The following KANSL3 variants were observed in gnomAD, a reference collection of about 807,000 sequenced individuals.
KANSL3 encodes NSL complex protein NSL3.
Under a neutral mutation model 89.2 loss-of-function variants are expected in KANSL3, and 16 were observed. The observed-to-expected ratio is 0.18, with a 90% CI of 0.12 to 0.27. The LOEUF is 0.27. Ranked by LOEUF, KANSL3 falls within the 10% of genes least tolerant of loss-of-function variation. The pLI, the probability that KANSL3 is intolerant of heterozygous loss-of-function variation, is 1.00. For synonymous variants in KANSL3, 385 were observed against 419.7 expected (o/e 0.92, Z 1.01); for missense variants, 879 against 1,110.6 (o/e 0.79, Z 2.96).
intron 3 of KANSL3, among the ~76,000 whole-genome samples, chr2:96,622,296 C>T (rs1440806538): frequency 6.6e-6 from 1 of 151,752 alleles, no homozygotes; most frequent in Non-Finnish European, 1.5e-5. Flanking sequence ...GTGGCAGGTG[C>T]CCAAAGTTCC....
chr2:96,617,101 T>C (rs992036279), intron 5 of KANSL3, among the ~76,000 whole-genome samples: 1 of 152,190 alleles, frequency 6.6e-6, no homozygotes, highest in African/African-American at 2.4e-5. Context: ...CACCACTCTC[T>C]GTCTGCCAGG....
chr2:96,637,189 C>A lies in KANSL3; in HGVS notation c.-50-4G>T. ...TGGGTATCTGCATGCTAGTCACCTG[C>A]AGTGAAAAGTTTCAGTTTAGGTCAA... On this transcript the variant is annotated splice_region_variant and splice_polypyrimidine_tract_variant and intron_variant, in intron 1 of 20. Coordinates refer to ENST00000431828, the MANE Select transcript of KANSL3 (RefSeq NM_001115016.3). 8.3e-7 allele frequency: 1 copy of A among 1,205,990 alleles called. No homozygotes were observed. The highest frequency in any genetic ancestry group is 2.2e-5 in the Admixed American group (1 of 44,684). The allele number at this position is 1,205,990 out of a possible 1,614,324, so 74.7% of individuals were successfully genotyped here. A position where few individuals can be genotyped will look rare whatever the true frequency, so the allele number is the denominator to read the frequency against.
rs185036597 is a variant in KANSL3 at position 96,622,768 on chromosome 2, A to G, written c.387-3006T>C. Reference sequence around the variant, plus strand: ...TACTTCAGTCACGCCGCCTTCCCTCACAGCACCCTCTACTCCCCTGCCCTT... The same window carrying G: ...TACTTCAGTCACGCCGCCTTCCCTCGCAGCACCCTCTACTCCCCTGCCCTT... On this transcript the variant is annotated intron_variant, in intron 3 of 20. Transcript: ENST00000431828. Among the ~76,000 whole-genome samples, 189 of 152,248 alleles carry G rather than the reference A, an allele frequency of 1.2e-3. 1 individual carries two copies. Among genetic ancestry groups the G allele is most frequent in the Admixed American group, 2.8e-3 (43 of 15,288 alleles).
At position 96,612,490 on chromosome 2, in the gene KANSL3, A is replaced by C; in HGVS notation, c.986T>G (p.Ile329Ser). The change falls in exon 8 of 21, where the codon ATT becomes AGT. Residue 329 changes from isoleucine (I) to serine (S), a missense_variant. Physicochemically the swap from Ile to Ser is moderately radical, Grantham distance 142. Around this residue, in one of 6 missense-constraint regions of KANSL3, gnomAD observed 198 missense variants for 260.3 expected, o/e 0.76. Coordinates refer to ENST00000431828, the MANE Select transcript of KANSL3 (RefSeq NM_001115016.3). ...CAGCACTTTGCTTCTCACTGCCCCA[A>C]TCATATGCTCGAGACACTGTAGAAC... Reference protein sequence around the residue: ...VGVLQCLEHMIGAVRSKVLEI... With the variant: ...VGVLQCLEHMSGAVRSKVLEI... 1 of 1,613,912 alleles carries C rather than the reference A, an allele frequency of 6.2e-7. No individual in the cohort carries two copies. Among genetic ancestry groups the C allele is most frequent in the Non-Finnish European group, 8.5e-7 (1 of 1,179,860 alleles).
At chr2:96,620,265 T>C (rs1162709937) in intron 3 of KANSL3, among the ~76,000 whole-genome samples, 1 of 152,202 alleles carries the variant, frequency 6.6e-6, no homozygotes, top group Non-Finnish European at 1.5e-5. Flanking sequence ...AGCAGAAATA[T>C]AACCAATAAA....
intron 20 of KANSL3, among the ~76,000 whole-genome samples, chr2:96,596,196 A>C (rs937762597): frequency 6.6e-6 from 1 of 152,220 alleles, no homozygotes; most frequent in Non-Finnish European, 1.5e-5. Context: ...GGCCTTTTTT[A>C]CCAACGCTTT....
At chr2:96,592,476 A>G (rs1410408399), downstream of KANSL3, among the ~76,000 whole-genome samples, 1 of 152,308 alleles carries the variant, frequency 6.6e-6, no homozygotes. Context: ...GAGCCCCACC[A>G]TATCAACATC....
Position 96,595,422 on chromosome 2 carries a change from C to CGTGTAGA in KANSL3, c.*188_*189insTCTACAC. On this transcript the variant is annotated 3_prime_UTR_variant, in exon 21 of 21. Coordinates refer to ENST00000431828, the MANE Select transcript of KANSL3 (RefSeq NM_001115016.3). The stretch of plus-strand genomic sequence containing the variant: ...GATTTGCAGATCCTGGACGATGGTG[C>CGTGTAGA]TTCCCTTGCTGGCACCGTATCACCT... 1.8e-6 allele frequency: 1 copy of CGTGTAGA among 566,186 alleles called. No individual in the cohort carries two copies. The highest frequency in any genetic ancestry group is 2.3e-5 in the South Asian group (1 of 43,852). The allele number at this position is 566,186 out of a possible 1,614,324, so 35.1% of individuals were successfully genotyped here.
At chr2:96,635,192 GA>G (rs2074076387) in intron 2 of KANSL3, among the ~76,000 whole-genome samples, 1 of 152,128 alleles carries the variant, frequency 6.6e-6, no homozygotes, top group Non-Finnish European at 1.5e-5. Flanking sequence ...AGTATAAATT[GA>G]ATCTCTAGTT....
chr2:96,585,471 A>T, the KANSL3 span, among the ~76,000 whole-genome samples: 1 of 152,180 alleles, frequency 6.6e-6, no homozygotes, highest in Admixed American at 6.5e-5. Flanking sequence ...ATTTTAAAAT[A>T]ATAGATGCTG....
chr2:96,585,387 C>G, the KANSL3 span, among the ~76,000 whole-genome samples: 3 of 152,168 alleles, frequency 2.0e-5, no homozygotes, highest in Non-Finnish European at 4.4e-5. Flanking sequence ...CTCAACACCA[C>G]TAATTATCAG....
At position 96,601,882 on chromosome 2, in the gene KANSL3, C is replaced by T. The variant is rs1350724438; in HGVS notation, c.2483-106G>A. 5 of 1,442,036 alleles carry T rather than the reference C, an allele frequency of 3.5e-6. No homozygotes were observed. In the Admixed American group the frequency reaches 8.6e-5, roughly 25 times the overall value. The allele number at this position is 1,442,036 out of a possible 1,614,324, so 89.3% of individuals were successfully genotyped here. ...TCCCCCACATAACACAGTCCCTTGG[C>T]CTCCTCCCCAGCTGGGTCATCTATG... On this transcript the variant is annotated intron_variant, in intron 19 of 20. Coordinates refer to ENST00000431828, the MANE Select transcript of KANSL3 (RefSeq NM_001115016.3).
intron 3 of KANSL3, among the ~76,000 whole-genome samples, chr2:96,626,187 A>G (rs1310695104): frequency 6.6e-6 from 1 of 152,232 alleles, no homozygotes; most frequent in Non-Finnish European, 1.5e-5. Flanking sequence ...TTCAAAGAAG[A>G]CTAATTAATT....
chr2:96,615,956 A>T (rs1054462177), intron 5 of KANSL3, among the ~76,000 whole-genome samples: 14 of 152,232 alleles, frequency 9.2e-5, no homozygotes, highest in Non-Finnish European at 1.8e-4. Context: ...AATGGAGAAG[A>T]AGTTAAGAGG....
intron 2 of KANSL3, 145 bp downstream of exon 2, chr2:96,636,776 C>T (rs1240462695): frequency 3.0e-6 from 2 of 671,116 alleles, no homozygotes; most frequent in Non-Finnish European, 4.9e-6. Context: ...GCCTGCTATC[C>T]TTATGCTGCT....
intron 2 of KANSL3, 171 bp downstream of exon 2, chr2:96,636,750 A>T: frequency 1.9e-6 from 1 of 537,210 alleles, no homozygotes; most frequent in South Asian, 3.2e-5. Flanking sequence ...TGTCTCACAG[A>T]GATAGCCACA....
chr2:96,620,108 A>T (rs949086173), intron 3 of KANSL3, among the ~76,000 whole-genome samples: 1 of 152,248 alleles, frequency 6.6e-6, no homozygotes, highest in Non-Finnish European at 1.5e-5. Flanking sequence ...ATAAACGCAC[A>T]GCACCACTGA....
intron 5 of KANSL3, chr2:96,615,366 G>A (rs2069853873): frequency 7.3e-6 from 2 of 273,426 alleles, no homozygotes; most frequent in African/African-American, 2.2e-5. Context: ...CTGTTATTAT[G>A]TACAAAAATA....
chr2:96,601,330 A>T, intron 20 of KANSL3: 1 of 985,388 alleles, frequency 1.0e-6, no homozygotes, highest in Non-Finnish European at 1.2e-6. Context: ...ATAACCTCTG[A>T]AGGATGAAAC....
Sources: gnomAD v4.1 joint callset for allele counts (sites outside exome capture counted in the v4.1 genomes callset) on GRCh38, gnomAD v4.1.1 for gene constraint, gnomAD v4.1.1 regional missense constraint, MANE v1.5 for transcripts, NCBI Gene and HGNC (gene_info 2026-07-23, HGNC 2026-07-21) for gene names.